Variants in WDR70 observed in about 807,000 individuals in gnomAD.
WDR70 encodes the protein WD repeat domain 70, also known as WD repeat-containing protein 70.
A neutral mutation model predicts 88.6 loss-of-function variants in WDR70; 53 were observed. That is an observed-to-expected ratio of 0.60 (90% CI 0.48 to 0.75). The LOEUF (loss-of-function observed/expected upper bound fraction) is 0.75, where lower values mean the gene tolerates loss of function less well. Among genes scored for constraint, WDR70 ranks in the 30% least tolerant of loss-of-function variants. The pLI, the probability that WDR70 is intolerant of heterozygous loss-of-function variation, is 0.00. For missense variants in WDR70, 610 were observed against 823.2 expected (o/e 0.74, Z 3.17); for synonymous variants, 280 against 270.0 (o/e 1.04, Z -0.36).
At chr5:37,420,008 G>A (rs2111987941) in intron 5 of WDR70, among the ~76,000 whole-genome samples, 1 of 152,088 alleles carries the variant, frequency 6.6e-6, no homozygotes, top group South Asian at 2.1e-4. Context: ...CAAAGTGCTG[G>A]GATTACAGGC....
At chr5:37,474,319 G>A (rs535133107) in intron 7 of WDR70, among the ~76,000 whole-genome samples, 1 of 152,254 alleles carries the variant, frequency 6.6e-6, no homozygotes, top group Non-Finnish European at 1.5e-5. Flanking sequence ...AGGTAAATTA[G>A]TTTATTAATT....
chr5:37,693,232 C>T (rs1422323812), intron 10 of WDR70, among the ~76,000 whole-genome samples: 3 of 152,212 alleles, frequency 2.0e-5, no homozygotes, highest in Non-Finnish European at 4.4e-5. Context: ...AATAGAAGAA[C>T]ATTCCATGCT....
At chr5:37,566,266 TTAG>T (rs1340310909) in intron 9 of WDR70, among the ~76,000 whole-genome samples, 2 of 151,392 alleles carry the variant, frequency 1.3e-5, no homozygotes, top group East Asian at 1.9e-4. Context: ...TAAATACTTG[TTAG>T]TAGTATGTTA....
intron 5 of WDR70, among the ~76,000 whole-genome samples, chr5:37,399,803 T>C (rs1749140585): frequency 1.3e-5 from 2 of 152,208 alleles, no homozygotes; most frequent in Non-Finnish European, 2.9e-5. Flanking sequence ...TGAATGATTC[T>C]GAACCATGAA....
intron 8 of WDR70, among the ~76,000 whole-genome samples, chr5:37,501,122 T>A (rs1454158846): frequency 6.6e-6 from 1 of 152,120 alleles, no homozygotes; most frequent in Non-Finnish European, 1.5e-5. Context: ...TCTTGCTGAT[T>A]TGTTTGAGTT....
intron 9 of WDR70, among the ~76,000 whole-genome samples, chr5:37,529,640 T>C (rs1741418819): frequency 6.6e-6 from 1 of 152,130 alleles, no homozygotes; most frequent in South Asian, 2.1e-4. Flanking sequence ...GCTATTGGTA[T>C]ATAGCAGAGC....
At chr5:37,686,703 A>G (rs1260721896) in intron 10 of WDR70, among the ~76,000 whole-genome samples, 1 of 152,038 alleles carries the variant, frequency 6.6e-6, no homozygotes, top group Non-Finnish European at 1.5e-5. Context: ...TTGAATTTCC[A>G]GAGGCTCCAT....
chr5:37,726,623 T>C (rs577513395), intron 16 of WDR70, among the ~76,000 whole-genome samples: 6 of 152,328 alleles, frequency 3.9e-5, no homozygotes, highest in Middle Eastern at 3.4e-3. Context: ...GCAAACTATC[T>C]GTAATTTTTT....
At chr5:37,456,937 A>T (rs1447191499) in intron 7 of WDR70, among the ~76,000 whole-genome samples, 1 of 152,228 alleles carries the variant, frequency 6.6e-6, no homozygotes, top group Non-Finnish European at 1.5e-5. Context: ...ACATAAAGAT[A>T]TTCAGCTTCA....
At chr5:37,671,604 TA>T (rs1301812789) in intron 10 of WDR70, among the ~76,000 whole-genome samples, 15 of 152,248 alleles carry the variant, frequency 9.9e-5, no homozygotes, top group African/African-American at 3.6e-4. Context: ...GTAATTCATT[TA>T]AATTCTTACC....
chr5:37,579,357 G>A (rs1042593652), intron 9 of WDR70, among the ~76,000 whole-genome samples: 11 of 151,988 alleles, frequency 7.2e-5, no homozygotes, highest in Middle Eastern at 3.2e-3. Flanking sequence ...AGGCTGAGGC[G>A]GGTGGATCAT....
At chr5:37,562,692 A>T (rs980957168) in intron 9 of WDR70, among the ~76,000 whole-genome samples, 4 of 152,170 alleles carry the variant, frequency 2.6e-5, no homozygotes, top group Non-Finnish European at 5.9e-5. Flanking sequence ...AACAAAGCAC[A>T]TCTTGCACCA....
intron 10 of WDR70, among the ~76,000 whole-genome samples, chr5:37,666,332 G>T (rs1745842941): frequency 6.6e-6 from 1 of 152,168 alleles, no homozygotes; most frequent in African/African-American, 2.4e-5. Context: ...CATATAAAGG[G>T]CAACTAAGGA....
chr5:37,405,853 C>T (rs1456396545), intron 5 of WDR70, among the ~76,000 whole-genome samples: 1 of 151,990 alleles, frequency 6.6e-6, no homozygotes, highest in East Asian at 1.9e-4. Flanking sequence ...CGAGACCATC[C>T]TTGCCAATGT....
chr5:37,714,784 T>G (rs1747611613), intron 13 of WDR70, among the ~76,000 whole-genome samples: 1 of 152,218 alleles, frequency 6.6e-6, no homozygotes, highest in Non-Finnish European at 1.5e-5. Flanking sequence ...ATTACCAGAC[T>G]TTCTTCAGTC....
chr5:37,673,585 C>CCCA (rs1554010669), intron 10 of WDR70, among the ~76,000 whole-genome samples: 1 of 93,770 alleles, frequency 1.1e-5, no homozygotes, highest in Non-Finnish European at 2.1e-5. Flanking sequence ...CTTTTCTTAC[C>CCCA]CCCCCCCCAC....
chr5:37,421,795 A>G (rs900555887), intron 5 of WDR70, among the ~76,000 whole-genome samples: 3 of 151,918 alleles, frequency 2.0e-5, no homozygotes, highest in South Asian at 2.1e-4. Context: ...AATGGGGTAT[A>G]CATGAGGTTG....
At position 37,476,396 on chromosome 5, in the gene WDR70, C is replaced by A. The variant is rs182637067; in HGVS notation, c.687-3438C>A. Among the ~76,000 whole-genome samples, 33 of 152,282 alleles carry A rather than the reference C, an allele frequency of 2.2e-4. No individual in the cohort carries two copies. The East Asian group carries it at 4.4e-3, about 20-fold the overall frequency. ...TTGTCCCCTTGTTATAGGCAAGAAT[C>A]CCTGTCTATATTCAAATTTGTGCAT... On this transcript the variant is annotated intron_variant, in intron 7 of 17. Coordinates refer to ENST00000265107, the MANE Select transcript of WDR70 (RefSeq NM_018034.4).
chr5:37,587,087 G>T (rs1743384637), intron 9 of WDR70, among the ~76,000 whole-genome samples: 1 of 151,848 alleles, frequency 6.6e-6, no homozygotes, highest in African/African-American at 2.4e-5. Flanking sequence ...CTTTCACTTG[G>T]ACTGTCCAAC....
Sources: allele counts gnomAD v4.1 joint callset (sites outside exome capture counted in the v4.1 genomes callset), GRCh38; gene constraint gnomAD v4.1.1; transcripts MANE v1.5; gene names NCBI Gene and HGNC (gene_info 2026-07-23, HGNC 2026-07-21).